The following VWF variants were observed in gnomAD, a reference collection of about 807,000 sequenced individuals.
The protein encoded by VWF is Factor VIII related antigen.
VWF carries 176 observed loss-of-function variants against 308.6 expected under a neutral mutation model. That is an observed-to-expected ratio of 0.57 (90% CI 0.50 to 0.65). The LOEUF is 0.65. Ranked by LOEUF, VWF falls within the 30% of genes least tolerant of loss-of-function variation. VWF has a pLI of 0.00. For synonymous variants in VWF, 1,385 were observed against 1,443.4 expected (o/e 0.96, Z 0.92); for missense variants, 3,146 against 3,648.2 (o/e 0.86, Z 3.55).
Position 6,052,616 on chromosome 12 carries a change from C to T in VWF, c.2113G>A (p.Ala705Thr), listed in dbSNP as rs761387526. The T allele has an allele frequency of 1.9e-6, 3 of 1,614,136 alleles. No individual in the cohort carries two copies. Among genetic ancestry groups the T allele is most frequent in the Admixed American group, 3.3e-5 (2 of 60,014 alleles). Residue 705 changes from alanine (A) to threonine (T), a missense_variant, in exon 16 of 52, where the codon GCC (alanine) becomes ACC (threonine). Around this residue, in one of 3 missense-constraint regions of VWF, gnomAD observed 1,304 missense variants for 1,353.0 expected, o/e 0.96. Coordinates refer to ENST00000261405, the MANE Select transcript of VWF (RefSeq NM_000552.5). ...CCGTCATAGTAACAGGGGCACTGGG[C>T]CTTGGGCACGCAGTCCCCCCTCTCA... ...MDERGDCVPK[A>T]QCPCYYDGEI...
At position 6,020,780 on chromosome 12, in the gene VWF, C is replaced by G. The variant is rs1295214852; in HGVS notation, c.3675-1037G>C. On this transcript the variant is annotated intron_variant, in intron 27 of 51. Transcript: ENST00000261405. The surrounding 1 kb of genome is among the most constrained non-coding windows in gnomAD (Gnocchi z 4.3). ...GGAAGTGTCCCCCTGCGGCTTGATA[C>G]CAGGTGATGCCACCAGCCTGCTGTG... Among the ~76,000 whole-genome samples, 22 of 152,376 alleles carry G rather than the reference C, an allele frequency of 1.4e-4. No individual in the cohort carries two copies. Among genetic ancestry groups the G allele is most frequent in the Non-Finnish European group, 2.9e-5 (2 of 68,042 alleles).
intron 22 of VWF, among the ~76,000 whole-genome samples, chr12:6,027,331 A>G (rs1944206618): frequency 6.6e-6 from 1 of 152,182 alleles, no homozygotes; most frequent in South Asian, 2.1e-4. Flanking sequence ...GGCATGACTC[A>G]TTCCCTCCCT....
At chr12:6,031,393 G>C in intron 21 of VWF, 51 bp downstream of exon 21, 4 of 1,614,034 alleles carry the variant, frequency 2.5e-6, no homozygotes, top group Non-Finnish European at 3.4e-6. Flanking sequence ...TTCCTATTAA[G>C]TGGCAGAAGC....
At chr12:5,966,672 G>T (rs1015588449) in intron 47 of VWF, among the ~76,000 whole-genome samples, 4 of 136,322 alleles carry the variant, frequency 2.9e-5, no homozygotes, top group African/African-American at 1.1e-4. Flanking sequence ...CTGTCTCACC[G>T]AGCTGAGGGA....
Position 5,949,077 on chromosome 12 carries a change from C to G in VWF, c.8380G>C (p.Val2794Leu). 6.2e-7 allele frequency: 1 copy of G among 1,614,206 alleles called. No individual in the cohort carries two copies. The highest frequency in any genetic ancestry group is 1.1e-5 in the South Asian group (1 of 91,072). ...ATGGCATTGAGAACCTCATGGTACACAACAGAGCCATTGGTGCAGTGCAGG... is the reference window on the plus strand; with the variant it reads ...ATGGCATTGAGAACCTCATGGTACAGAACAGAGCCATTGGTGCAGTGCAGG... ...VALHCTNGSV[V>L]YHEVLNAMEC... Residue 2794 changes from valine (V) to leucine (L), a missense_variant, in exon 52 of 52, where the codon GTG (valine) becomes CTG (leucine). Transcript: ENST00000261405.
chr12:6,019,303 A>C lies in VWF; in HGVS notation c.4115T>G (p.Ile1372Ser), dbSNP rs61750070. ...KYTLFQIFSK[I>S]DRPEASRITL... is the part of the protein sequence containing the mutation. ...GATGCGGGAGGCTTCAGGGCGGTCGATCTTGCTGAAGATTTGGAACAGTGT... is the reference window on the plus strand; with the variant it reads ...GATGCGGGAGGCTTCAGGGCGGTCGCTCTTGCTGAAGATTTGGAACAGTGT... Residue 1372 changes from isoleucine to serine, a missense_variant, in exon 28 of 52, where the codon ATC becomes AGC. Physicochemically the swap from Ile to Ser is moderately radical, Grantham distance 142 (BLOSUM62 -2). Transcript: ENST00000261405. The surrounding 1 kb of genome is among the most constrained non-coding windows in gnomAD (Gnocchi z 5.8). 3.5e-5 allele frequency: 57 copies of C among 1,613,826 alleles called. No homozygotes were observed. Among genetic ancestry groups the C allele is most frequent in the Middle Eastern group, 1.7e-4 (1 of 6,056 alleles).
rs779853941 is a variant in VWF, at chr12:5,996,997, C to T, written c.5843-775G>A. On this transcript the variant is annotated intron_variant, in intron 34 of 51. Coordinates refer to ENST00000261405, the MANE Select transcript of VWF (RefSeq NM_000552.5). ...GATAAGCTTTCCAGACAAACCACGA[C>T]CACATCTACAATGGCAGGTGAATAC... Among the ~76,000 whole-genome samples, 8 of 152,158 alleles carry T rather than the reference C, an allele frequency of 5.3e-5. No homozygotes were observed. The South Asian group carries it at 6.2e-4, about 12-fold the overall frequency.
At chr12:5,961,829 G>A (rs1565810092) in intron 47 of VWF, among the ~76,000 whole-genome samples, 1 of 152,132 alleles carries the variant, frequency 6.6e-6, no homozygotes, top group Non-Finnish European at 1.5e-5. Flanking sequence ...AGACTGCTAA[G>A]ATGTGAATGT....
chr12:6,098,986 C>T (rs971073161), intron 5 of VWF, among the ~76,000 whole-genome samples: 4 of 151,182 alleles, frequency 2.6e-5, no homozygotes, highest in African/African-American at 7.4e-5. Context: ...AGGATGACAA[C>T]ACCCTCCATG....
intron 6 of VWF, among the ~76,000 whole-genome samples, chr12:6,090,899 G>A (rs1945027397): frequency 6.6e-6 from 1 of 152,130 alleles, no homozygotes; most frequent in Non-Finnish European, 1.5e-5. Flanking sequence ...GCTATCAAGG[G>A]TATGGTTCAG....
rs777545645 is a variant in VWF, at chr12:6,029,293, C to T, written c.2967+49G>A. 11 of 1,612,580 alleles carry T rather than the reference C, an allele frequency of 6.8e-6. No individual in the cohort carries two copies. In the African/African-American group the frequency reaches 1.2e-4, roughly 18 times the overall value. ...AGACCTACGATCAGGGAGCAGAAAA[C>T]ACTCCAAAGGCCAAGTCCCCAACAA... On this transcript the variant is annotated intron_variant, in intron 22 of 51. Transcript: ENST00000261405.
At chr12:5,951,997 A>G in intron 49 of VWF, 114 bp from the exon 50 acceptor site, 1 of 1,019,604 alleles carries the variant, frequency 9.8e-7, no homozygotes, top group African/African-American at 1.6e-5. Flanking sequence ...TTAAGTGCCC[A>G]GATGTAAACT....
chr12:5,971,462 C>G (rs1565814015), intron 44 of VWF, 137 bp downstream of exon 44: 1 of 725,012 alleles, frequency 1.4e-6, no homozygotes, highest in Admixed American at 2.1e-5. Context: ...CAGCTGGCAT[C>G]TGGATAACAC....
In VWF at chr12:6,026,025, C is replaced by T. The variant is rs1565834646; in HGVS notation, c.2989G>A (p.Gly997Arg). 3 of 1,613,852 alleles carry T rather than the reference C, an allele frequency of 1.9e-6. No individual in the cohort carries two copies. Among genetic ancestry groups the T allele is most frequent in the Non-Finnish European group, 2.5e-6 (3 of 1,179,876 alleles). The change falls in exon 23 of 52, where the codon GGG (glycine) becomes AGG (arginine). Residue 997 changes from glycine (G) to arginine (R), a missense_variant. Transcript: ENST00000261405. ...TTGTTCTGGATGCCATCAAAATTCC[C>T]ACACAGGCCACACACTTTCTCCTTG... ...TYQEKVCGLCGNFDGIQNNDL... is the reference protein window; with the variant it reads ...TYQEKVCGLCRNFDGIQNNDL...
intron 10 of VWF, among the ~76,000 whole-genome samples, chr12:6,066,575 G>C (rs936302183): frequency 1.1e-4 from 16 of 152,380 alleles, no homozygotes; most frequent in African/African-American, 3.8e-4. Context: ...CGGAAGCTTG[G>C]CTGTCTACAG....
chr12:6,038,213 C>T (rs1413386735), intron 18 of VWF, among the ~76,000 whole-genome samples: 1 of 152,216 alleles, frequency 6.6e-6, no homozygotes, highest in Non-Finnish European at 1.5e-5. Flanking sequence ...ATGTCCACAT[C>T]GCCCCGTCCA....
chr12:5,979,997 C>T (rs1337371650), intron 42 of VWF, among the ~76,000 whole-genome samples: 10 of 142,648 alleles, frequency 7.0e-5, no homozygotes, highest in African/African-American at 1.8e-4. Context: ...GCCGAGACTG[C>T]GCCACTGCAC....
chr12:6,110,724 G>T, intron 4 of VWF, 142 bp from the exon 5 acceptor site: 1 of 1,287,750 alleles, frequency 7.8e-7, no homozygotes, highest in Non-Finnish European at 1.1e-6. Context: ...AATCGGGAGA[G>T]CTGGCTCTCA....
chr12:6,099,212 C>G (rs757019322), intron 5 of VWF, among the ~76,000 whole-genome samples: 2 of 150,662 alleles, frequency 1.3e-5, no homozygotes, highest in South Asian at 4.2e-4. Flanking sequence ...CCCAGCTACT[C>G]AGGAGGCTGA....
Sources: allele counts gnomAD v4.1 joint callset (sites outside exome capture counted in the v4.1 genomes callset), GRCh38; gene constraint gnomAD v4.1.1; regional missense constraint gnomAD v4.1.1; non-coding constraint Gnocchi (gnomAD v3.1); transcripts MANE v1.5; gene names NCBI Gene and HGNC (gene_info 2026-07-23, HGNC 2026-07-21).